The following RYR3 variants were observed in gnomAD, a reference collection of about 807,000 sequenced individuals.
The protein encoded by RYR3 is brain ryanodine receptor-calcium release channel.
A neutral mutation model predicts 584.3 loss-of-function variants in RYR3; 207 were observed. That is an observed-to-expected ratio of 0.35 (90% confidence interval 0.32 to 0.40). RYR3 has a LOEUF of 0.40. Ranked by LOEUF, RYR3 falls within the 10% of genes least tolerant of loss-of-function variation. The pLI is 1.00. For missense variants in RYR3, 5,616 were observed against 6,089.2 expected (o/e 0.92, Z 2.59); for synonymous variants, 2,416 against 2,248.5 (o/e 1.07, Z -2.11).
chr15:33,435,608 A>T (rs954996481), intron 1 of RYR3, among the ~76,000 whole-genome samples: 2 of 152,182 alleles, frequency 1.3e-5, no homozygotes, highest in Admixed American at 1.3e-4. Flanking sequence ...TCTCGCATTT[A>T]TTCCTTCTCA....
chr15:33,454,903 G>C (rs1184087785), intron 1 of RYR3, among the ~76,000 whole-genome samples: 1 of 152,162 alleles, frequency 6.6e-6, no homozygotes, highest in Admixed American at 6.5e-5. Flanking sequence ...TTGAACTTCA[G>C]CTATAAAACC....
At chr15:33,366,759 G>A (rs1406709686) in intron 1 of RYR3, among the ~76,000 whole-genome samples, 1 of 152,172 alleles carries the variant, frequency 6.6e-6, no homozygotes, top group Admixed American at 6.5e-5. Flanking sequence ...ACAGTAGATG[G>A]CTTTACTCAA....
At chr15:33,669,842 G>GTT (rs879403628) in intron 37 of RYR3, among the ~76,000 whole-genome samples, 1 of 20,410 alleles carries the variant, frequency 4.9e-5, no homozygotes, top group Non-Finnish European at 1.2e-4. Context: ...GTGTGTGTGT[G>GTT]TGGGGGGGGG....
chr15:33,482,334 A>G (rs778269463), intron 2 of RYR3, among the ~76,000 whole-genome samples: 4 of 152,114 alleles, frequency 2.6e-5, no homozygotes, highest in Non-Finnish European at 5.9e-5. Context: ...ATTCTTCTAT[A>G]TGTAACAAAC....
intron 93 of RYR3, chr15:33,847,666 A>G (rs999621271): frequency 6.6e-6 from 1 of 152,346 alleles, no homozygotes; most frequent in Non-Finnish European, 1.5e-5. Context: ...CTAGTCTAAA[A>G]TAAAAGTTCC....
intron 3 of RYR3, among the ~76,000 whole-genome samples, chr15:33,521,666 A>G (rs144775791): frequency 3.3e-5 from 5 of 152,286 alleles, no homozygotes; most frequent in South Asian, 2.1e-4. Flanking sequence ...GGAGACAGGA[A>G]GAAGGCAGTA....
chr15:33,585,271 A>G (rs1421595953), intron 15 of RYR3, among the ~76,000 whole-genome samples: 2 of 152,188 alleles, frequency 1.3e-5, no homozygotes, highest in Admixed American at 6.5e-5. Flanking sequence ...ATTACATTTC[A>G]GGCTAACTTA....
At chr15:33,678,285 G>GGGGGAGACGACTGAATCATGC (rs1566936408) in intron 38 of RYR3, among the ~76,000 whole-genome samples, 12 of 151,948 alleles carry the variant, frequency 7.9e-5, no homozygotes, top group Admixed American at 5.2e-4. Context: ...CTGAATCATG[G>GGGGGAGACGACTGAATCATGC]GGGGGAGACT....
chr15:33,541,000 G>T, intron 7 of RYR3, 110 bp downstream of exon 7: 1 of 666,986 alleles, frequency 1.5e-6, no homozygotes, highest in South Asian at 1.9e-5. Context: ...TTGGTACACA[G>T]GTAGCCTGAT....
At chr15:33,780,667 C>T (rs2074330472) in intron 65 of RYR3, among the ~76,000 whole-genome samples, 1 of 152,156 alleles carries the variant, frequency 6.6e-6, no homozygotes, top group Non-Finnish European at 1.5e-5. Context: ...GGATGTGACT[C>T]CTTTTTTGCA....
chr15:33,494,691 A>C (rs1409337824), intron 2 of RYR3, among the ~76,000 whole-genome samples: 4 of 152,172 alleles, frequency 2.6e-5, no homozygotes, highest in Non-Finnish European at 4.4e-5. Context: ...CTATAAGTTT[A>C]AATTTTCTGC....
At chr15:33,389,673 A>G (rs923266892) in intron 1 of RYR3, among the ~76,000 whole-genome samples, 13 of 152,216 alleles carry the variant, frequency 8.5e-5, no homozygotes, top group Non-Finnish European at 1.9e-4. Flanking sequence ...CTGAACCTTG[A>G]TGTACAATGT....
rs750927699 is a variant in RYR3 at position 33,821,317 on chromosome 15, G to T, written c.10863G>T (p.Leu3621=). ...KQKTLYQQAR[L]HERGAAEMVL... The stretch of plus-strand genomic sequence containing the variant: ...AAACCCTCTATCAGCAAGCTCGGCT[G>T]CATGAGCGTGGTGCTGCAGAGATGG... Residue 3621 remains leucine, a synonymous_variant, in exon 79 of 104, where the codon CTG becomes CTT. Transcript: ENST00000634891. 5.0e-6 allele frequency: 8 copies of T among 1,604,172 alleles called. No individual in the cohort carries two copies. The highest frequency in any genetic ancestry group is 1.1e-5 in the South Asian group (1 of 88,574).
intron 24 of RYR3, 108 bp downstream of exon 24, chr15:33,633,216 C>A: frequency 1.8e-6 from 2 of 1,086,232 alleles, no homozygotes; most frequent in South Asian, 1.6e-5. Context: ...TGCCTTTGCA[C>A]TCTATCCCTC....
At chr15:33,861,221 A>G (rs1239747268) in intron 102 of RYR3, 43 bp downstream of exon 102, 9 of 1,412,200 alleles carry the variant, frequency 6.4e-6, no homozygotes, top group Non-Finnish European at 6.9e-6. Context: ...GCTGTAGCGT[A>G]AATAAAGCCA....
At chr15:33,489,793 G>C (rs1385792751) in intron 2 of RYR3, among the ~76,000 whole-genome samples, 1 of 152,200 alleles carries the variant, frequency 6.6e-6, no homozygotes, top group African/African-American at 2.4e-5. Flanking sequence ...TTCCACAACA[G>C]TTGAACTAAT....
intron 67 of RYR3, among the ~76,000 whole-genome samples, chr15:33,794,481 G>A (rs949521446): frequency 6.6e-6 from 1 of 151,098 alleles, no homozygotes; most frequent in South Asian, 2.1e-4. Context: ...AACGTTAGCA[G>A]TGTAGAGAAG....
chr15:33,705,699 A>C (rs767397222), intron 42 of RYR3, among the ~76,000 whole-genome samples: 1 of 152,172 alleles, frequency 6.6e-6, no homozygotes, highest in Non-Finnish European at 1.5e-5. Flanking sequence ...CCCAGTCCTT[A>C]ATGGATGGGG....
chr15:33,637,809 T>A (rs899710245), intron 27 of RYR3, among the ~76,000 whole-genome samples: 13 of 152,226 alleles, frequency 8.5e-5, no homozygotes, highest in East Asian at 3.8e-4. Context: ...TTTCTTTTTT[T>A]TTATTATTAT....
Sources: allele counts gnomAD v4.1 joint callset (sites outside exome capture counted in the v4.1 genomes callset), GRCh38; gene constraint gnomAD v4.1.1; transcripts MANE v1.5; gene names NCBI Gene and HGNC (gene_info 2026-07-23, HGNC 2026-07-21).